The following TTC27 variants were observed in gnomAD, a reference collection of about 807,000 sequenced individuals.
TTC27 encodes the protein tetratricopeptide repeat protein 27.
TTC27 carries 79 observed loss-of-function variants against 115.9 expected under a neutral mutation model. The ratio of observed to expected loss-of-function variants is 0.68; its 90% CI spans 0.57 to 0.82. TTC27 has a LOEUF of 0.82. Among genes scored for constraint, TTC27 ranks in the 40% least tolerant of loss-of-function variants. The pLI is 0.00. For synonymous variants in TTC27, 401 were observed against 356.0 expected (o/e 1.13, Z -1.42); for missense variants, 1,054 against 993.1 (o/e 1.06, Z -0.82).
chr2:32,716,032 A>C (rs1451302520), intron 10 of TTC27, among the ~76,000 whole-genome samples: 1 of 152,176 alleles, frequency 6.6e-6, no homozygotes, highest in Non-Finnish European at 1.5e-5. Context: ...ATAGAAGTGG[A>C]AAGTAAAAAA....
At chr2:32,706,016 T>C (rs1482283068) in intron 10 of TTC27, among the ~76,000 whole-genome samples, 1 of 151,702 alleles carries the variant, frequency 6.6e-6, no homozygotes. Flanking sequence ...TATGGACTTA[T>C]GGATTCCTGT....
In TTC27 at chr2:32,685,015, CTTTTTT is replaced by C. The variant is rs70938361; in HGVS notation, c.1119+6110_1119+6115del. 4.9e-4 allele frequency among the ~76,000 whole-genome samples: 57 copies of C among 116,314 alleles called. No homozygotes were observed. In the East Asian group the frequency reaches 6.9e-3, roughly 14 times the overall value. 76.3% of individuals were successfully genotyped at this position (116,314 alleles called of 152,430 possible). A position where few individuals can be genotyped will look rare whatever the true frequency, so the allele number is the denominator to read the frequency against. ...ACTAATTGCTCTGCTTTGCCTTTTC[CTTTTTT>C]TTTTTTTTTTTTTTTTAATTTTATT... On this transcript the variant is annotated intron_variant, in intron 9 of 19. Coordinates refer to ENST00000317907, the MANE Select transcript of TTC27 (RefSeq NM_017735.5).
intron 5 of TTC27, 120 bp downstream of exon 5, chr2:32,650,353 C>CT (rs368973893): frequency 0.041 from 8,672 of 211,804 alleles, 289 homozygotes; most frequent in African/African-American, 0.071. Context: ...TGAGTTGTTT[C>CT]TTTTTTTTTT....
chr2:32,684,089 C>T (rs1031424151), intron 9 of TTC27, among the ~76,000 whole-genome samples: 52 of 152,200 alleles, frequency 3.4e-4, no homozygotes, highest in African/African-American at 1.3e-3. Flanking sequence ...ACCCGGGAGG[C>T]GGAAGTTGCA....
At chr2:32,756,105 C>G (rs902072207) in intron 12 of TTC27, among the ~76,000 whole-genome samples, 2 of 152,210 alleles carry the variant, frequency 1.3e-5, no homozygotes, top group African/African-American at 4.8e-5. Flanking sequence ...TGCCTGAAAT[C>G]ATTTCTATAC....
At chr2:32,773,058 T>C (rs1305843384) in intron 13 of TTC27, among the ~76,000 whole-genome samples, 1 of 152,246 alleles carries the variant, frequency 6.6e-6, no homozygotes, top group Admixed American at 6.5e-5. Context: ...CTCAACCTTT[T>C]GAGTTCTTTG....
intron 16 of TTC27, among the ~76,000 whole-genome samples, chr2:32,799,425 G>A (rs1029693649): frequency 2.6e-5 from 4 of 151,944 alleles, no homozygotes; most frequent in African/African-American, 9.7e-5. Context: ...AAGAGTAGAG[G>A]AAAAAAATCT....
At chr2:32,777,548 GT>G (rs202134572) in intron 13 of TTC27, among the ~76,000 whole-genome samples, 2 of 151,438 alleles carry the variant, frequency 1.3e-5, no homozygotes, top group African/African-American at 4.9e-5. Context: ...CAACCATCCA[GT>G]TTTTTTTTCT....
intron 10 of TTC27, among the ~76,000 whole-genome samples, chr2:32,729,868 A>C (rs1394840210): frequency 2.0e-5 from 3 of 152,092 alleles, no homozygotes; most frequent in Non-Finnish European, 4.4e-5. Flanking sequence ...CCACCTCCTC[A>C]TACCACTTTT....
At chr2:32,642,171 T>C (rs151202036) in intron 4 of TTC27, among the ~76,000 whole-genome samples, 12 of 151,712 alleles carry the variant, frequency 7.9e-5, no homozygotes, top group African/African-American at 2.9e-4. Flanking sequence ...CATCACAATA[T>C]TTCTATAGGT....
chr2:32,664,178 T>A (rs1260129504), intron 5 of TTC27, 125 bp from the exon 6 acceptor site: 1 of 796,506 alleles, frequency 1.3e-6, no homozygotes, highest in Non-Finnish European at 1.9e-6. Flanking sequence ...TCAGGTCTTA[T>A]GTTTAAAATT....
At chr2:32,780,077 G>A in intron 14 of TTC27, 2 of 466,198 alleles carry the variant, frequency 4.3e-6, no homozygotes, top group Non-Finnish European at 8.9e-6. Flanking sequence ...CCACTGTCTT[G>A]TTTACAGAAA....
intron 13 of TTC27, among the ~76,000 whole-genome samples, chr2:32,760,273 G>A (rs552698862): frequency 2.0e-5 from 3 of 152,330 alleles, no homozygotes; most frequent in Admixed American, 2.0e-4. Context: ...AAACTAATGG[G>A]TGTATTTGAC....
intron 5 of TTC27, among the ~76,000 whole-genome samples, chr2:32,657,779 A>G (rs1665383074): frequency 1.3e-5 from 2 of 152,162 alleles, no homozygotes; most frequent in African/African-American, 4.8e-5. Flanking sequence ...TGAGGTGACC[A>G]GTCAGTAAGC....
At chr2:32,656,249 G>C (rs1027712178) in intron 5 of TTC27, among the ~76,000 whole-genome samples, 10 of 152,304 alleles carry the variant, frequency 6.6e-5, no homozygotes, top group African/African-American at 2.2e-4. Context: ...TGAACTTAGT[G>C]AGATAAGGAC....
intron 4 of TTC27, among the ~76,000 whole-genome samples, chr2:32,646,578 G>A (rs111438589): frequency 0.022 from 1,620 of 73,286 alleles, 27 homozygotes; most frequent in African/African-American, 0.061. Flanking sequence ...TTTTTTTTTG[G>A]AGACCGACTC....
intron 14 of TTC27, among the ~76,000 whole-genome samples, chr2:32,779,755 T>C (rs1670112436): frequency 6.6e-6 from 1 of 152,238 alleles, no homozygotes. Context: ...TCCTATCTTT[T>C]CTGCTAGGAG....
At chr2:32,705,286 G>A (rs537062388) in intron 10 of TTC27, among the ~76,000 whole-genome samples, 2 of 152,242 alleles carry the variant, frequency 1.3e-5, no homozygotes, top group Non-Finnish European at 2.9e-5. Context: ...ATCAGTAGCT[G>A]AGGTACATGC....
At chr2:32,641,469 A>G (rs1410329661) in intron 4 of TTC27, among the ~76,000 whole-genome samples, 1 of 152,236 alleles carries the variant, frequency 6.6e-6, no homozygotes, top group Non-Finnish European at 1.5e-5. Context: ...TCCCAGTGAT[A>G]TAAAAATGTA....
Sources: gnomAD v4.1 joint callset for allele counts (sites outside exome capture counted in the v4.1 genomes callset) on GRCh38, gnomAD v4.1.1 for gene constraint, MANE v1.5 for transcripts, NCBI Gene and HGNC (gene_info 2026-07-23, HGNC 2026-07-21) for gene names.